The following ANKS1B variants were observed in gnomAD, a reference collection of about 807,000 sequenced individuals.
The protein encoded by ANKS1B is ankyrin repeat and sterile alpha motif domain-containing protein 1B.
In ANKS1B, 36 loss-of-function variants were observed where a neutral mutation model predicts 148.3. The ratio of observed to expected loss-of-function variants is 0.24; its 90% CI spans 0.19 to 0.32. The LOEUF (loss-of-function observed/expected upper bound fraction) is 0.32. Ranked by LOEUF, ANKS1B falls within the 10% of genes least tolerant of loss-of-function variation. The probability of loss-of-function intolerance (pLI) is 1.00; values close to 1 mark genes in which losing one functional copy is unlikely to be tolerated. For synonymous variants in ANKS1B, 542 were observed against 560.8 expected, an observed-to-expected ratio of 0.97 and a Z score of 0.47; for missense variants, 1,157 against 1,542.6, an observed-to-expected ratio of 0.75 and a Z score of 4.19.
At chr12:99,544,800 CA>C (rs1003157086) in intron 9 of ANKS1B, among the ~76,000 whole-genome samples, 2 of 152,146 alleles carry the variant, frequency 1.3e-5, no homozygotes, top group African/African-American at 2.4e-5. Context: ...CACCTGGTCC[CA>C]TGCTGATAAC....
At chr12:99,336,673 C>T (rs929445085) in intron 12 of ANKS1B, among the ~76,000 whole-genome samples, 4 of 152,048 alleles carry the variant, frequency 2.6e-5, no homozygotes, top group Non-Finnish European at 4.4e-5. Flanking sequence ...AATAAGTTCA[C>T]TTTAGATGTA....
chr12:99,558,811 G>A lies in ANKS1B; in HGVS notation c.1273-54170C>T, dbSNP rs549851677. 2.5e-4 allele frequency among the ~76,000 whole-genome samples: 38 copies of A among 152,296 alleles called. No individual in the cohort carries two copies. The South Asian group carries it at 3.5e-3, about 14-fold the overall frequency. On this transcript the variant is annotated intron_variant, in intron 9 of 26. Transcript: ENST00000683438. ...CCAAAAGCTAAAGCCTCCTGGAGGAGCATGGCAAGCCTTGGTGTATGGGTA... is the reference window on the plus strand; with the variant it reads ...CCAAAAGCTAAAGCCTCCTGGAGGAACATGGCAAGCCTTGGTGTATGGGTA...
At chr12:98,866,449 T>C (rs1183195351) in intron 17 of ANKS1B, among the ~76,000 whole-genome samples, 1 of 152,232 alleles carries the variant, frequency 6.6e-6, no homozygotes, top group Admixed American at 6.5e-5. Flanking sequence ...CTCATCAGAA[T>C]TCTTCCATGG....
intron 10 of ANKS1B, among the ~76,000 whole-genome samples, chr12:99,490,776 G>A (rs1302107798): frequency 6.6e-6 from 1 of 152,164 alleles, no homozygotes; most frequent in Non-Finnish European, 1.5e-5. Flanking sequence ...CTAGGACTAT[G>A]TAAAGACAGA....
chr12:99,025,711 A>G (rs1257583753), intron 17 of ANKS1B, among the ~76,000 whole-genome samples: 1 of 152,188 alleles, frequency 6.6e-6, no homozygotes, highest in African/African-American at 2.4e-5. Flanking sequence ...GTCTCTCATG[A>G]TCTCTAACTT....
chr12:99,246,423 T>C lies in ANKS1B; in HGVS notation c.2198A>G (p.Lys733Arg), dbSNP rs763240098. 2 of 1,613,944 alleles carry C rather than the reference T, an allele frequency of 1.2e-6. No individual in the cohort carries two copies. Among genetic ancestry groups the C allele is most frequent in the South Asian group, 2.2e-5 (2 of 91,078 alleles). The change falls in exon 13 of 27, where the codon AAA becomes AGA. Residue 733 changes from lysine to arginine, a missense_variant. By Grantham distance (26) the Lys-to-Arg change is conservative. Transcript: ENST00000683438. ...ATCAGAATCAGATTTAGAGACACTT[T>C]TTGACAAATGCATGTCGATCAAGGC... Reference protein sequence around the residue: ...PKALIDMHLSKSVSKSDSDLI... With the variant: ...PKALIDMHLSRSVSKSDSDLI...
intron 17 of ANKS1B, among the ~76,000 whole-genome samples, chr12:99,030,629 G>A (rs12300760): frequency 0.019 from 2,865 of 152,146 alleles, 76 homozygotes; most frequent in East Asian, 0.11. Context: ...GGTCCTTGTT[G>A]TATGTGACCC....
chr12:99,279,880 T>C (rs1463182108), intron 12 of ANKS1B, among the ~76,000 whole-genome samples: 1 of 151,936 alleles, frequency 6.6e-6, no homozygotes, highest in East Asian at 1.9e-4. Flanking sequence ...GGTGCATGCC[T>C]ATAGTCCCAG....
intron 14 of ANKS1B, among the ~76,000 whole-genome samples, chr12:99,218,863 AAACCT>A (rs1243570774): frequency 2.0e-5 from 3 of 152,238 alleles, no homozygotes; most frequent in Admixed American, 2.0e-4. Flanking sequence ...GAGTCTTGTT[AAACCT>A]AGTACAAAAT....
chr12:99,204,422 T>C (rs933510729), intron 14 of ANKS1B, among the ~76,000 whole-genome samples: 4 of 152,216 alleles, frequency 2.6e-5, no homozygotes, highest in African/African-American at 9.7e-5. Flanking sequence ...AGAGATAACA[T>C]AAATTAATGG....
At chr12:99,957,888 G>A (rs768435750) in intron 1 of ANKS1B, among the ~76,000 whole-genome samples, 11 of 152,160 alleles carry the variant, frequency 7.2e-5, no homozygotes, top group Non-Finnish European at 1.5e-4. Context: ...TGCTGTATAT[G>A]TTCTAGGCAT....
intron 14 of ANKS1B, among the ~76,000 whole-genome samples, chr12:99,239,992 T>C (rs1281124119): frequency 6.6e-6 from 1 of 152,104 alleles, no homozygotes; most frequent in Non-Finnish European, 1.5e-5. Flanking sequence ...ATCAACGCTA[T>C]GAGGAAACTG....
chr12:98,912,144 T>C (rs969832188), intron 17 of ANKS1B, among the ~76,000 whole-genome samples: 4 of 152,218 alleles, frequency 2.6e-5, no homozygotes, highest in African/African-American at 9.6e-5. Flanking sequence ...GGTACTGTTA[T>C]AGTCTCTACT....
chr12:99,070,379 A>T (rs1485200427), intron 16 of ANKS1B, among the ~76,000 whole-genome samples: 2 of 152,222 alleles, frequency 1.3e-5, no homozygotes, highest in East Asian at 1.9e-4. Context: ...GAAGAATAGT[A>T]ACTATGTCAC....
At chr12:99,691,815 A>T (rs2098680669) in intron 8 of ANKS1B, among the ~76,000 whole-genome samples, 2 of 152,222 alleles carry the variant, frequency 1.3e-5, no homozygotes. Context: ...GTACCAATTT[A>T]GGACCCAGTT....
intron 15 of ANKS1B, among the ~76,000 whole-genome samples, chr12:99,114,693 A>C (rs2060969798): frequency 6.6e-6 from 1 of 152,136 alleles, no homozygotes; most frequent in Non-Finnish European, 1.5e-5. Flanking sequence ...TGGAGGTTGC[A>C]GTGAGCCGAG....
chr12:99,396,999 G>T (rs999588476), intron 12 of ANKS1B, among the ~76,000 whole-genome samples: 26 of 152,042 alleles, frequency 1.7e-4, no homozygotes, highest in Admixed American at 1.2e-3. Context: ...TATATGCCCA[G>T]AACCCTTCCC....
chr12:99,956,385 G>A (rs1434788884), intron 1 of ANKS1B, among the ~76,000 whole-genome samples: 5 of 151,948 alleles, frequency 3.3e-5, no homozygotes, highest in Non-Finnish European at 5.9e-5. Flanking sequence ...GGGGGTCTTA[G>A]GCAAAGTGGT....
intron 8 of ANKS1B, among the ~76,000 whole-genome samples, chr12:99,680,433 C>CAAA (rs199819732): frequency 7.0e-6 from 1 of 143,480 alleles, no homozygotes; most frequent in African/African-American, 2.5e-5. Context: ...AAGACTCTGT[C>CAAA]AAAAAAAAAA....
Sources: allele counts gnomAD v4.1 joint callset (sites outside exome capture counted in the v4.1 genomes callset), GRCh38; gene constraint gnomAD v4.1.1; transcripts MANE v1.5; gene names NCBI Gene and HGNC (gene_info 2026-07-23, HGNC 2026-07-21).